The following RASSF3 variants were observed in gnomAD, a reference collection of about 807,000 sequenced individuals.
RASSF3 encodes ras association domain-containing protein 3.
In RASSF3, 19 loss-of-function variants were observed where a neutral mutation model predicts 19.9. That is an observed-to-expected ratio of 0.96 (90% CI 0.67 to 1.40). RASSF3 has a LOEUF of 1.40. Among genes scored for constraint, RASSF3 ranks in the 40% most tolerant of loss-of-function variants. The probability of loss-of-function intolerance (pLI) is 0.00; values close to 1 mark genes in which losing one functional copy is unlikely to be tolerated. For synonymous variants in RASSF3, 110 were observed against 104.2 expected (o/e 1.06, Z -0.34); for missense variants, 306 against 289.8 (o/e 1.06, Z -0.41).
At chr12:64,609,955 C>A (rs1327182897), upstream of RASSF3, among the ~76,000 whole-genome samples, 1 of 152,188 alleles carries the variant, frequency 6.6e-6, no homozygotes, top group Non-Finnish European at 1.5e-5. Flanking sequence ...ACCTCCCCAC[C>A]CATCTCTGCC....
chr12:64,651,301 C>G (rs555176655), intron 1 of RASSF3, among the ~76,000 whole-genome samples: 1 of 152,094 alleles, frequency 6.6e-6, no homozygotes, highest in Non-Finnish European at 1.5e-5. Flanking sequence ...ACAATGGTGC[C>G]TGGAGATGCG....
intron 2 of RASSF3, among the ~76,000 whole-genome samples, chr12:64,559,489 T>G (rs1398842510): frequency 6.6e-6 from 1 of 152,080 alleles, no homozygotes; most frequent in African/African-American, 2.4e-5. Flanking sequence ...CAGGATGGTC[T>G]CGATCTCCTG....
intron 1 of RASSF3, among the ~76,000 whole-genome samples, chr12:64,525,678 G>C (rs1363483895): frequency 2.0e-5 from 3 of 152,124 alleles, no homozygotes. Context: ...AGTGGTGAGC[G>C]TGGGCGAAAT....
rs201737911 is a variant in RASSF3, at chr12:64,580,575, A to AACACACACACACAC, written c.294+38896_294+38909dup. Among the ~76,000 whole-genome samples, 511 of 141,392 alleles carry AACACACACACACAC rather than the reference A, an allele frequency of 3.6e-3. 4 individuals carry two copies. The highest frequency in any genetic ancestry group is 0.012 in the African/African-American group (466 of 37,798). 92.8% of individuals were successfully genotyped at this position (141,392 alleles called of 152,430 possible). A position where few individuals can be genotyped will look rare whatever the true frequency, so the allele number is the denominator to read the frequency against. ...TGAGACCTTGTCTCTTTTTTAGGAAAACACACACACACACACACACACACA... is the reference window on the plus strand; with the variant it reads ...TGAGACCTTGTCTCTTTTTTAGGAAAACACACACACACACACACACACACACACACACACACACA... On this transcript the variant is annotated intron_variant, in intron 2 of 5. Coordinates refer to the RASSF3 transcript ENST00000637125.
chr12:64,627,980 C>A (rs1446784700), intron 1 of RASSF3, among the ~76,000 whole-genome samples: 1 of 152,102 alleles, frequency 6.6e-6, no homozygotes, highest in Non-Finnish European at 1.5e-5. Flanking sequence ...TTTTGAGATG[C>A]CAAATGAATT....
intron 2 of RASSF3, among the ~76,000 whole-genome samples, chr12:64,687,201 C>T (rs1873391251): frequency 6.6e-6 from 1 of 151,952 alleles, no homozygotes; most frequent in South Asian, 2.1e-4. Flanking sequence ...GGGATTTCAC[C>T]CTGTTGGCCA....
chr12:64,566,674 A>G (rs1210331974), intron 2 of RASSF3, among the ~76,000 whole-genome samples: 3 of 152,152 alleles, frequency 2.0e-5, no homozygotes, highest in Admixed American at 2.0e-4. Context: ...CTCCACACAG[A>G]GATGCTCGGG....
chr12:64,615,222 C>A (rs1404504468), intron 1 of RASSF3, among the ~76,000 whole-genome samples: 1 of 152,156 alleles, frequency 6.6e-6, no homozygotes, highest in Non-Finnish European at 1.5e-5. Flanking sequence ...ATTCAGATTT[C>A]CAAAGAATAG....
intron 1 of RASSF3, among the ~76,000 whole-genome samples, chr12:64,642,871 T>A (rs1245733372): frequency 2.6e-5 from 4 of 151,428 alleles, no homozygotes; most frequent in Non-Finnish European, 5.9e-5. Flanking sequence ...CTTTCTTTTT[T>A]TTTTTTTTTC....
At chr12:64,660,856 T>A (rs1872329233) in intron 1 of RASSF3, among the ~76,000 whole-genome samples, 1 of 152,136 alleles carries the variant, frequency 6.6e-6, no homozygotes, top group Non-Finnish European at 1.5e-5. Flanking sequence ...TCCCTTGAAT[T>A]TGGAGGATTT....
intron 1 of RASSF3, among the ~76,000 whole-genome samples, chr12:64,679,748 A>G (rs1017672424): frequency 6.6e-6 from 1 of 152,158 alleles, no homozygotes; most frequent in African/African-American, 2.4e-5. Flanking sequence ...TTTATGAAAT[A>G]TTTTTTTGTG....
At chr12:64,571,475 A>G (rs952938686) in intron 2 of RASSF3, among the ~76,000 whole-genome samples, 3 of 152,100 alleles carry the variant, frequency 2.0e-5, no homozygotes, top group African/African-American at 7.2e-5. Flanking sequence ...AGCAAAGGAG[A>G]AAGTGGGTTC....
chr12:64,657,566 T>G (rs1328773647), intron 1 of RASSF3, among the ~76,000 whole-genome samples: 1 of 152,212 alleles, frequency 6.6e-6, no homozygotes, highest in African/African-American at 2.4e-5. Flanking sequence ...TGGTCTTGCC[T>G]CTGTGCCTGC....
intron 1 of RASSF3, among the ~76,000 whole-genome samples, chr12:64,627,642 A>G (rs995826340): frequency 1.3e-5 from 2 of 152,182 alleles, no homozygotes; most frequent in Non-Finnish European, 2.9e-5. Context: ...TAATCAAGGA[A>G]AAGTTGGGCA....
chr12:64,620,425 A>G (rs1870712257), intron 1 of RASSF3, among the ~76,000 whole-genome samples: 1 of 152,182 alleles, frequency 6.6e-6, no homozygotes, highest in Non-Finnish European at 1.5e-5. Context: ...ATATCTCTTA[A>G]AGACCCCTCT....
At chr12:64,562,539 CT>C (rs1869365763) in intron 2 of RASSF3, among the ~76,000 whole-genome samples, 1 of 152,200 alleles carries the variant, frequency 6.6e-6, no homozygotes, top group Non-Finnish European at 1.5e-5. Flanking sequence ...TCTTTCTCTT[CT>C]AAATAAATGA....
intron 1 of RASSF3, among the ~76,000 whole-genome samples, chr12:64,630,450 T>C (rs1871136270): frequency 6.6e-6 from 1 of 152,144 alleles, no homozygotes; most frequent in Non-Finnish European, 1.5e-5. Flanking sequence ...TGCTTGAGCT[T>C]AGCAGTTTGA....
chr12:64,578,326 T>C (rs1014345829), intron 2 of RASSF3, among the ~76,000 whole-genome samples: 11 of 152,036 alleles, frequency 7.2e-5, no homozygotes, highest in African/African-American at 2.4e-4. Context: ...TCCAACGACA[T>C]CCCCAGGGAG....
At chr12:64,641,414 A>ACACACACGCG in intron 1 of RASSF3, among the ~76,000 whole-genome samples, 3 of 142,194 alleles carry the variant, frequency 2.1e-5, no homozygotes, top group African/African-American at 8.4e-5. Context: ...ACACACACAC[A>ACACACACGCG]CGCGCGCGCG....
Sources: allele counts gnomAD v4.1 joint callset (sites outside exome capture counted in the v4.1 genomes callset), GRCh38; gene constraint gnomAD v4.1.1; transcripts MANE v1.5; gene names NCBI Gene and HGNC (gene_info 2026-07-23, HGNC 2026-07-21).